WDR70: variants seen among roughly 807,000 people sequenced by gnomAD.
WDR70 encodes WD repeat domain 70.
WDR70 carries 53 observed loss-of-function variants against 88.6 expected under a neutral mutation model. That is an observed-to-expected ratio of 0.60 (90% CI 0.48 to 0.75). WDR70 has a LOEUF of 0.75. Among genes scored for constraint, WDR70 ranks in the 30% least tolerant of loss-of-function variants. WDR70 has a pLI of 0.00. For missense variants in WDR70, 610 were observed against 823.2 expected (o/e 0.74, Z 3.17); for synonymous variants, 280 against 270.0 (o/e 1.04, Z -0.36).
intron 10 of WDR70, among the ~76,000 whole-genome samples, chr5:37,655,804 T>C (rs1745537367): frequency 6.6e-6 from 1 of 152,002 alleles, no homozygotes. Context: ...TTTATGTTCT[T>C]CTCTAAACTA....
intron 9 of WDR70, among the ~76,000 whole-genome samples, chr5:37,540,434 T>C (rs1470548372): frequency 1.3e-5 from 2 of 152,222 alleles, no homozygotes; most frequent in African/African-American, 2.4e-5. Context: ...CAGGCTGGAG[T>C]GCAGTGGCAC....
intron 13 of WDR70, among the ~76,000 whole-genome samples, chr5:37,709,435 C>T (rs1272473978): frequency 6.6e-6 from 1 of 152,200 alleles, no homozygotes. Context: ...TATTTGCCCA[C>T]AGCCAAGTGA....
chr5:37,564,223 C>T (rs1370901957), intron 9 of WDR70, among the ~76,000 whole-genome samples: 1 of 151,966 alleles, frequency 6.6e-6, no homozygotes, highest in East Asian at 1.9e-4. Context: ...CACTGCACTC[C>T]AGCCTGGGCA....
chr5:37,453,698 TA>T (rs984367312), intron 7 of WDR70, among the ~76,000 whole-genome samples: 18 of 152,220 alleles, frequency 1.2e-4, no homozygotes, highest in Admixed American at 1.0e-3. Flanking sequence ...ATTTTCATGG[TA>T]AAATTATGTA....
intron 9 of WDR70, among the ~76,000 whole-genome samples, chr5:37,566,237 A>C (rs912302607): frequency 2.0e-5 from 3 of 152,158 alleles, no homozygotes; most frequent in Non-Finnish European, 4.4e-5. Context: ...GAAATTATGT[A>C]ATTAAATGCT....
At chr5:37,672,704 C>T (rs4869541) in intron 10 of WDR70, among the ~76,000 whole-genome samples, 56,061 of 151,908 alleles carry the variant, frequency 0.37, 10,681 homozygotes, top group African/African-American at 0.46. Context: ...GTGAAAATAG[C>T]AATCAGTAAA....
chr5:37,710,521 C>T (rs1415867965), intron 13 of WDR70, among the ~76,000 whole-genome samples: 15 of 152,010 alleles, frequency 9.9e-5, no homozygotes, highest in Admixed American at 9.8e-4. Flanking sequence ...ACAGACAGGG[C>T]CAGGATTAGG....
chr5:37,578,707 C>T (rs147005796), intron 9 of WDR70, among the ~76,000 whole-genome samples: 2 of 152,178 alleles, frequency 1.3e-5, no homozygotes, highest in Non-Finnish European at 2.9e-5. Context: ...TAATTAGACT[C>T]TGTTCTCAAA....
intron 9 of WDR70, among the ~76,000 whole-genome samples, chr5:37,586,284 C>T (rs1743361996): frequency 6.6e-6 from 1 of 152,132 alleles, no homozygotes; most frequent in Non-Finnish European, 1.5e-5. Context: ...GATTTCTACC[C>T]TTATCATTCT....
At chr5:37,736,840 A>C (rs1748319825) in intron 17 of WDR70, among the ~76,000 whole-genome samples, 1 of 152,010 alleles carries the variant, frequency 6.6e-6, no homozygotes, top group African/African-American at 2.4e-5. Flanking sequence ...GTAATTATGA[A>C]AACAAGCAAC....
chr5:37,506,891 C>T, intron 8 of WDR70: 1 of 1,045,508 alleles, frequency 9.6e-7, no homozygotes, highest in Non-Finnish European at 1.5e-6. Flanking sequence ...GAGTGAGCCA[C>T]CACCCTCCCA....
At chr5:37,447,132 T>A (rs1738510516) in intron 7 of WDR70, among the ~76,000 whole-genome samples, 1 of 152,152 alleles carries the variant, frequency 6.6e-6, no homozygotes, top group African/African-American at 2.4e-5. Flanking sequence ...GTGAAGGATA[T>A]GAACAGACAC....
intron 17 of WDR70, among the ~76,000 whole-genome samples, chr5:37,746,799 C>T (rs1748649671): frequency 6.6e-6 from 1 of 152,060 alleles, no homozygotes; most frequent in African/African-American, 2.4e-5. Context: ...CTAGAAAAAG[C>T]CCACAACCAG....
At chr5:37,535,572 C>T (rs78630398) in intron 9 of WDR70, among the ~76,000 whole-genome samples, 25,348 of 152,014 alleles carry the variant, frequency 0.17, 2,224 homozygotes, top group South Asian at 0.27. Flanking sequence ...GACTCTTGCT[C>T]CTCTCTGGAA....
intron 9 of WDR70, among the ~76,000 whole-genome samples, chr5:37,570,491 G>A (rs1742870732): frequency 6.6e-6 from 1 of 152,032 alleles, no homozygotes; most frequent in East Asian, 1.9e-4. Flanking sequence ...CAGGGGAAGG[G>A]GATGAGATCA....
chr5:37,668,455 T>C (rs969529178), intron 10 of WDR70, among the ~76,000 whole-genome samples: 12 of 152,240 alleles, frequency 7.9e-5, no homozygotes, highest in Non-Finnish European at 1.5e-4. Context: ...CTTAAAATGT[T>C]TTTTTGCATT....
chr5:37,468,802 A>G (rs1739239624), intron 7 of WDR70, among the ~76,000 whole-genome samples: 1 of 152,222 alleles, frequency 6.6e-6, no homozygotes, highest in Non-Finnish European at 1.5e-5. Context: ...TATTCCTTAC[A>G]CAATATAGTA....
intron 9 of WDR70, among the ~76,000 whole-genome samples, chr5:37,542,806 A>G (rs889621682): frequency 2.2e-4 from 33 of 152,310 alleles, no homozygotes; most frequent in African/African-American, 7.7e-4. Context: ...GGAAATTTTT[A>G]TTATTAGGTG....
At chr5:37,682,759 C>T (rs1199847044) in intron 10 of WDR70, among the ~76,000 whole-genome samples, 4 of 151,946 alleles carry the variant, frequency 2.6e-5, no homozygotes, top group African/African-American at 9.7e-5. Flanking sequence ...GTCTTGATTC[C>T]TAATTTTATT....
Sources: gnomAD v4.1 joint callset for allele counts (sites outside exome capture counted in the v4.1 genomes callset) on GRCh38, gnomAD v4.1.1 for gene constraint, MANE v1.5 for transcripts, NCBI Gene and HGNC (gene_info 2026-07-23, HGNC 2026-07-21) for gene names.